Variants in REP15 observed in about 807,000 individuals in gnomAD.
REP15 encodes RAB15 effector protein.
REP15 carries 1 observed loss-of-function variant against 1.1 expected under a neutral mutation model. That is an observed-to-expected ratio of 0.89 (90% CI 0.32 to 4.24). The LOEUF is 4.24. Ranked by LOEUF, REP15 falls within the 30% of genes most tolerant of loss-of-function variation. The probability of loss-of-function intolerance (pLI) is 0.17; values close to 1 mark genes in which losing one functional copy is unlikely to be tolerated. For synonymous variants in REP15, 100 were observed against 99.7 expected (o/e 1.00, Z -0.02); for missense variants, 246 against 271.9 (o/e 0.90, Z 0.67).
rs1786520158 is a variant in REP15, at chr12:27,697,203, T to C, written c.641T>C (p.Leu214Pro). The C allele has an allele frequency of 1.9e-6, 3 of 1,614,162 alleles. No individual in the cohort carries two copies. Among genetic ancestry groups the C allele is most frequent in the Non-Finnish European group, 2.5e-6 (3 of 1,180,016 alleles). Reference protein sequence around the residue: ...ETEDCVFIKELLRNCLSKKDG... With the variant: ...ETEDCVFIKEPLRNCLSKKDG... ...GAAGATTGTGTGTTCATCAAAGAGCTGCTCAGAAATTGTCTGAGTAAGAAA... is the reference window on the plus strand; with the variant it reads ...GAAGATTGTGTGTTCATCAAAGAGCCGCTCAGAAATTGTCTGAGTAAGAAA... Residue 214 changes from leucine to proline, a missense_variant, in exon 1 of 1, where the codon CTG becomes CCG. By Grantham distance (98) the Leu-to-Pro change is moderately conservative. Coordinates refer to ENST00000310791, the MANE Select transcript of REP15 (RefSeq NM_001029874.3).
rs1386483004 is a variant in REP15 at position 27,697,312 on chromosome 12, A to AG, written c.*40dup. 2 of 1,244,722 alleles carry AG rather than the reference A, an allele frequency of 1.6e-6. No homozygotes were observed. The highest frequency in any genetic ancestry group is 2.3e-6 in the Non-Finnish European group (2 of 877,236). The allele number at this position is 1,244,722 out of a possible 1,614,324, so 77.1% of individuals were successfully genotyped here. On this transcript the variant is annotated 3_prime_UTR_variant, in exon 1 of 1. Coordinates refer to ENST00000310791, the MANE Select transcript of REP15 (RefSeq NM_001029874.3). ...TATGTGAGTGGCCTGTAAGAGGAAA[A>AG]GAAAAAAAGATTCTAATAAGCAAGC...
Position 27,697,533 on chromosome 12 carries a change from T to G in REP15, c.*260T>G, listed in dbSNP as rs2061742495. ...TTTAGTTTAATATTTCATTCACTTA[T>G]TCAATAATAAAAATGGAAGAGAGAT... On this transcript the variant is annotated 3_prime_UTR_variant, in exon 1 of 1. Transcript: ENST00000310791. 1 of 305,516 alleles carries G rather than the reference T, an allele frequency of 3.3e-6. No homozygotes were observed. Among genetic ancestry groups the G allele is most frequent in the African/African-American group, 2.2e-5 (1 of 46,074 alleles). 18.9% of individuals were successfully genotyped at this position (305,516 alleles called of 1,614,324 possible). A position where few individuals can be genotyped will look rare whatever the true frequency, so the allele number is the denominator to read the frequency against.
chr12:27,696,849 C>T lies in REP15; in HGVS notation c.287C>T (p.Thr96Ile). The T allele has an allele frequency of 6.2e-7, 1 of 1,614,042 alleles. No homozygotes were observed. The highest frequency in any genetic ancestry group is 8.5e-7 in the Non-Finnish European group (1 of 1,179,996). ...CTGTTTGGTGCAGACTGGATTTGGA[C>T]CTTTTGGGGATCCAACAAGCAAATA... Reference protein sequence around the residue: ...AFLFGADWIWTFWGSNKQIKL... With the variant: ...AFLFGADWIWIFWGSNKQIKL... Residue 96 changes from threonine to isoleucine, a missense_variant, in exon 1 of 1, where the codon ACC (threonine) becomes ATC (isoleucine). Transcript: ENST00000310791.
rs762503152 is a variant in REP15, at chr12:27,696,815, C to G, written c.253C>G (p.Gln85Glu). 7.4e-6 allele frequency: 12 copies of G among 1,614,106 alleles called. 1 individual carries two copies. The highest frequency in any genetic ancestry group is 1.6e-4 in the Middle Eastern group (1 of 6,062). ...GACCACCACCAAGATGACCAAGCAC[C>G]AAGCCTTCCTGTTTGGTGCAGACTG... ...WLTTTKMTKH[Q>E]AFLFGADWIW... Residue 85 changes from glutamine (Q) to glutamate (E), a missense_variant, in exon 1 of 1, where the codon CAA (glutamine) becomes GAA (glutamate). Transcript: ENST00000310791.
At position 27,696,817 on chromosome 12, in the gene REP15, A is replaced by G. The variant is rs145318690; in HGVS notation, c.255A>G (p.Gln85=). 76 of 1,614,156 alleles carry G rather than the reference A, an allele frequency of 4.7e-5. No homozygotes were observed. The African/African-American group carries it at 9.7e-4, about 21-fold the overall frequency. The change falls in exon 1 of 1, where the codon CAA becomes CAG. Residue 85 remains glutamine, a synonymous_variant. Coordinates refer to ENST00000310791, the MANE Select transcript of REP15 (RefSeq NM_001029874.3). ...CCACCACCAAGATGACCAAGCACCA[A>G]GCCTTCCTGTTTGGTGCAGACTGGA... ...WLTTTKMTKH[Q]AFLFGADWIW...
Position 27,696,736 on chromosome 12 carries a change from C to A in REP15, c.174C>A (p.Ile58=), listed in dbSNP as rs933349363. The change falls in exon 1 of 1, where the codon ATC becomes ATA. Residue 58 remains isoleucine, a synonymous_variant. Transcript: ENST00000310791. ...LCPAANTLNE[I]FLIHFITFCQ... The stretch of plus-strand genomic sequence containing the variant: ...CAGCTGCAAATACTCTGAATGAGAT[C>A]TTCTTAATCCATTTCATCACTTTCT... 6 of 1,614,012 alleles carry A rather than the reference C, an allele frequency of 3.7e-6. No individual in the cohort carries two copies. The Admixed American group carries it at 1.0e-4, about 27-fold the overall frequency.
chr12:27,696,513 G>T lies in REP15; in HGVS notation c.-50G>T. Reference sequence around the variant, plus strand: ...CCTGCAGAACTTTTACTTTGAAAAAGAAGTACGTCTGAACCAGATTCACAT... The same window carrying T: ...CCTGCAGAACTTTTACTTTGAAAAATAAGTACGTCTGAACCAGATTCACAT... On this transcript the variant is annotated 5_prime_UTR_variant, in exon 1 of 1. Transcript: ENST00000310791. 1.4e-6 allele frequency: 2 copies of T among 1,433,452 alleles called. No individual in the cohort carries two copies. Among genetic ancestry groups the T allele is most frequent in the Non-Finnish European group, 1.9e-6 (2 of 1,055,220 alleles). The allele number at this position is 1,433,452 out of a possible 1,614,324, so 88.8% of individuals were successfully genotyped here.
chr12:27,696,676 C>T lies in REP15; in HGVS notation c.114C>T (p.Tyr38=). The change falls in exon 1 of 1, where the codon TAC becomes TAT. Residue 38 remains tyrosine (Y), a synonymous_variant. Transcript: ENST00000310791. Reference sequence around the variant, plus strand: ...ATGCAGCTCAGAAACTGAAGGAGTACCTTGGATTTGAATATCCTCCAAGTA... The same window carrying T: ...ATGCAGCTCAGAAACTGAAGGAGTATCTTGGATTTGAATATCCTCCAAGTA... ...IVHAAQKLKE[Y]LGFEYPPSKL... The T allele has an allele frequency of 6.2e-7, 1 of 1,614,048 alleles. No homozygotes were observed. Among genetic ancestry groups the T allele is most frequent in the Non-Finnish European group, 8.5e-7 (1 of 1,179,924 alleles).
Position 27,697,563 on chromosome 12 carries a change from A to C in REP15, c.*290A>C. 3.9e-6 allele frequency: 1 copy of C among 256,970 alleles called. No individual in the cohort carries two copies. The highest frequency in any genetic ancestry group is 8.0e-6 in the Non-Finnish European group (1 of 125,656). 15.9% of individuals were successfully genotyped at this position (256,970 alleles called of 1,614,324 possible). ...TAATAAAAATGGAAGAGAGATAATA[A>C]AGTCACATTTAAAGTTTGATTTGCA... On this transcript the variant is annotated 3_prime_UTR_variant, in exon 1 of 1. Coordinates refer to ENST00000310791, the MANE Select transcript of REP15 (RefSeq NM_001029874.3).
Position 27,697,195 on chromosome 12 carries a change from CAA to C in REP15, c.635_636del (p.Lys212ArgfsTer9). On this transcript the variant is annotated frameshift_variant, in exon 1 of 1. Transcript: ENST00000310791. LOFTEE classifies it high-confidence loss of function. The stretch of plus-strand genomic sequence containing the variant: ...TGGAAACTGAAGATTGTGTGTTCAT[CAA>C]AGAGCTGCTCAGAAATTGTCTGAGT... ...VLETEDCVFI[K>X]ELLRNCLSKK... The C allele has an allele frequency of 1.2e-6, 2 of 1,614,104 alleles. No individual in the cohort carries two copies. The highest frequency in any genetic ancestry group is 1.7e-6 in the Non-Finnish European group (2 of 1,180,000).
chr12:27,697,588 A>C lies in REP15; in HGVS notation c.*315A>C, dbSNP rs897443058. The C allele has an allele frequency of 3.9e-5, 8 of 203,766 alleles. No individual in the cohort carries two copies. Among genetic ancestry groups the C allele is most frequent in the Admixed American group, 1.1e-4 (2 of 17,902 alleles). The allele number at this position is 203,766 out of a possible 1,614,324, so 12.6% of individuals were successfully genotyped here. On this transcript the variant is annotated 3_prime_UTR_variant, in exon 1 of 1. Transcript: ENST00000310791. ...AAGTCACATTTAAAGTTTGATTTGCAAAAAAAAAGTGTCTGTTTGAAATAA... is the reference window on the plus strand; with the variant it reads ...AAGTCACATTTAAAGTTTGATTTGCCAAAAAAAAGTGTCTGTTTGAAATAA...
chr12:27,697,585 TG>T lies in REP15; in HGVS notation c.*313del, dbSNP rs1406752968. 8 of 225,084 alleles carry T rather than the reference TG, an allele frequency of 3.6e-5. No individual in the cohort carries two copies. Among genetic ancestry groups the T allele is most frequent in the Admixed American group, 1.0e-4 (2 of 19,234 alleles). The allele number at this position is 225,084 out of a possible 1,614,324, so 13.9% of individuals were successfully genotyped here. A position where few individuals can be genotyped will look rare whatever the true frequency, so the allele number is the denominator to read the frequency against. On this transcript the variant is annotated 3_prime_UTR_variant, in exon 1 of 1. Coordinates refer to ENST00000310791, the MANE Select transcript of REP15 (RefSeq NM_001029874.3). ...ATAAAGTCACATTTAAAGTTTGATT[TG>T]CAAAAAAAAAGTGTCTGTTTGAAAT...
Position 27,696,548 on chromosome 12 carries a change from T to C in REP15, c.-15T>C. ...TGAACCAGATTCACATGTTTGATAT[T>C]TGGATGCAGAGAAAATGGGGCAGAA... On this transcript the variant is annotated 5_prime_UTR_variant, in exon 1 of 1. Coordinates refer to ENST00000310791, the MANE Select transcript of REP15 (RefSeq NM_001029874.3). 5.1e-6 allele frequency: 8 copies of C among 1,578,820 alleles called. No homozygotes were observed. Among genetic ancestry groups the C allele is most frequent in the East Asian group, 4.6e-5 (2 of 43,950 alleles).
Position 27,696,494 on chromosome 12 carries a change from G to T in REP15, c.-69G>T. On this transcript the variant is annotated 5_prime_UTR_variant, in exon 1 of 1. Transcript: ENST00000310791. ...CATTAACAGATGTGGCCTCCCTGCA[G>T]AACTTTTACTTTGAAAAAGAAGTAC... is the stretch of plus-strand genomic sequence containing the variant. 3 of 1,286,568 alleles carry T rather than the reference G, an allele frequency of 2.3e-6. No homozygotes were observed. The East Asian group carries it at 7.6e-5, about 33-fold the overall frequency. The allele number at this position is 1,286,568 out of a possible 1,614,324, so 79.7% of individuals were successfully genotyped here. A position where few individuals can be genotyped will look rare whatever the true frequency, so the allele number is the denominator to read the frequency against.
rs1191338614 is a variant in REP15 at position 27,696,555 on chromosome 12, C to A, written c.-8C>A. On this transcript the variant is annotated 5_prime_UTR_variant, in exon 1 of 1. Coordinates refer to ENST00000310791, the MANE Select transcript of REP15 (RefSeq NM_001029874.3). ...GATTCACATGTTTGATATTTGGATGCAGAGAAAATGGGGCAGAAAGCATCG... is the reference window on the plus strand; with the variant it reads ...GATTCACATGTTTGATATTTGGATGAAGAGAAAATGGGGCAGAAAGCATCG... 6.3e-7 allele frequency: 1 copy of A among 1,583,222 alleles called. No individual in the cohort carries two copies. Among genetic ancestry groups the A allele is most frequent in the Non-Finnish European group, 8.6e-7 (1 of 1,157,950 alleles).
rs1219280698 is a variant in REP15 at position 27,696,923 on chromosome 12, G to A, written c.361G>A (p.Val121Met). ...QTLQMSSPPP[V>M]ESKPCDLSNP... is the part of the protein sequence containing the mutation. ...TCTGCAGATGTCTTCACCTCCTCCT[G>A]TGGAATCTAAGCCTTGTGACCTTTC... Residue 121 changes from valine to methionine, a missense_variant, in exon 1 of 1, where the codon GTG (valine) becomes ATG (methionine). By Grantham distance (21) the Val-to-Met change is conservative. Transcript: ENST00000310791. The A allele has an allele frequency of 1.2e-6, 2 of 1,613,968 alleles. No homozygotes were observed. The highest frequency in any genetic ancestry group is 1.7e-6 in the Non-Finnish European group (2 of 1,179,968).
Position 27,697,537 on chromosome 12 carries a change from A to G in REP15, c.*264A>G, listed in dbSNP as rs1334269191. The G allele has an allele frequency of 3.4e-6, 1 of 294,850 alleles. No individual in the cohort carries two copies. Among genetic ancestry groups the G allele is most frequent in the Non-Finnish European group, 6.6e-6 (1 of 150,646 alleles). 18.3% of individuals were successfully genotyped at this position (294,850 alleles called of 1,614,324 possible). A position where few individuals can be genotyped will look rare whatever the true frequency, so the allele number is the denominator to read the frequency against. ...GTTTAATATTTCATTCACTTATTCA[A>G]TAATAAAAATGGAAGAGAGATAATA... On this transcript the variant is annotated 3_prime_UTR_variant, in exon 1 of 1. Transcript: ENST00000310791.
rs3751232 is a variant in REP15 at position 27,696,502 on chromosome 12, A to G, written c.-61A>G. The G allele has an allele frequency of 6.3e-3, 8,650 of 1,362,666 alleles. 619 individuals are homozygous for G. The East Asian group carries it at 0.16, about 26-fold the overall frequency. The allele number at this position is 1,362,666 out of a possible 1,614,324, so 84.4% of individuals were successfully genotyped here. ...GATGTGGCCTCCCTGCAGAACTTTT[A>G]CTTTGAAAAAGAAGTACGTCTGAAC... On this transcript the variant is annotated 5_prime_UTR_variant, in exon 1 of 1. Transcript: ENST00000310791.
chr12:27,697,303 AAG>A lies in REP15; in HGVS notation c.*33_*34del, dbSNP rs1312970014. 1.5e-5 allele frequency: 20 copies of A among 1,320,244 alleles called. No individual in the cohort carries two copies. The African/African-American group carries it at 2.5e-4, about 17-fold the overall frequency. 81.8% of individuals were successfully genotyped at this position (1,320,244 alleles called of 1,614,324 possible). A position where few individuals can be genotyped will look rare whatever the true frequency, so the allele number is the denominator to read the frequency against. ...GATATGTATTATGTGAGTGGCCTGT[AAG>A]AGGAAAAGAAAAAAAGATTCTAATA... On this transcript the variant is annotated 3_prime_UTR_variant, in exon 1 of 1. Transcript: ENST00000310791.
Sources: allele counts gnomAD v4.1 joint callset, GRCh38; gene constraint gnomAD v4.1.1; transcripts MANE v1.5; gene names NCBI Gene and HGNC (gene_info 2026-07-23, HGNC 2026-07-21).